NEGR1: variants seen among roughly 807,000 people sequenced by gnomAD.
The protein encoded by NEGR1 is neuronal growth regulator 1.
Under a neutral mutation model 40.9 loss-of-function variants are expected in NEGR1, and 10 were observed. The ratio of observed to expected loss-of-function variants is 0.24; its 90% CI spans 0.15 to 0.42. The LOEUF (loss-of-function observed/expected upper bound fraction) is 0.42. NEGR1 is among the 10% of genes least tolerant of loss of function. The probability of loss-of-function intolerance (pLI) is 1.00; values close to 1 mark genes in which losing one functional copy is unlikely to be tolerated. For synonymous variants in NEGR1, 185 were observed against 166.8 expected (o/e 1.11, Z -0.84); for missense variants, 352 against 438.9 (o/e 0.80, Z 1.77).
In NEGR1 at chr1:72,001,449, A is replaced by C. The variant is rs76897677; in HGVS notation, c.177-66138T>G. Among the ~76,000 whole-genome samples, 531 of 151,908 alleles carry C rather than the reference A, an allele frequency of 3.5e-3. 1 individual carries two copies. The highest frequency in any genetic ancestry group is 0.012 in the African/African-American group (508 of 41,402). On this transcript the variant is annotated intron_variant, in intron 1 of 6. Coordinates refer to ENST00000357731, the MANE Select transcript of NEGR1 (RefSeq NM_173808.3). ...ATTGAATCAGATCTGCATTTTAATA[A>C]ACTCCCCAAATTTCATATGGACATT...
intron 2 of NEGR1, among the ~76,000 whole-genome samples, chr1:71,808,910 A>G (rs1235787446): frequency 6.6e-6 from 1 of 152,122 alleles, no homozygotes; most frequent in Non-Finnish European, 1.5e-5. Flanking sequence ...TCTATCTGTA[A>G]CTTGTTTTCT....
chr1:71,934,135 C>T (rs896817013), intron 2 of NEGR1, among the ~76,000 whole-genome samples: 1 of 152,074 alleles, frequency 6.6e-6, no homozygotes, highest in African/African-American at 2.4e-5. Flanking sequence ...AGAAATAAGG[C>T]AACTTCAGTT....
intron 1 of NEGR1, among the ~76,000 whole-genome samples, chr1:72,043,995 A>C (rs1445313161): frequency 1.3e-5 from 2 of 151,896 alleles, no homozygotes; most frequent in Non-Finnish European, 1.5e-5. Flanking sequence ...GCAATATTCA[A>C]AACACTATCT....
intron 1 of NEGR1, among the ~76,000 whole-genome samples, chr1:71,936,654 A>G (rs1319808298): frequency 6.6e-6 from 1 of 152,220 alleles, no homozygotes; most frequent in Non-Finnish European, 1.5e-5. Flanking sequence ...CATGAGATAT[A>G]TGGTAAAAGG....
chr1:72,245,847 G>T (rs1252140083), intron 1 of NEGR1, among the ~76,000 whole-genome samples: 1 of 151,936 alleles, frequency 6.6e-6, no homozygotes, highest in Admixed American at 6.6e-5. Flanking sequence ...TTCAAAAATT[G>T]TTTTGCAATC....
intron 2 of NEGR1, among the ~76,000 whole-genome samples, chr1:71,835,928 G>T (rs1452344810): frequency 6.6e-6 from 1 of 152,188 alleles, no homozygotes; most frequent in East Asian, 1.9e-4. Context: ...GTATGTGTGT[G>T]TGTGCACATA....
chr1:72,015,150 T>C (rs1023219117), intron 1 of NEGR1, among the ~76,000 whole-genome samples: 2 of 152,030 alleles, frequency 1.3e-5, no homozygotes, highest in African/African-American at 4.8e-5. Flanking sequence ...TTTTTAAAAA[T>C]ATGTAATTTA....
chr1:71,651,850 A>G (rs548335885), intron 4 of NEGR1, among the ~76,000 whole-genome samples: 1 of 152,144 alleles, frequency 6.6e-6, no homozygotes, highest in Admixed American at 6.5e-5. Flanking sequence ...GAATCCTTAC[A>G]ATTTTATAAG....
At position 71,687,679 on chromosome 1, in the gene NEGR1, C is replaced by T. The variant is rs574840223; in HGVS notation, c.667+10329G>A. ...CAGCCATTCTGACAGCTAGCACCTGCGCACATTCTGGTTATTGAAATAGTT... is the reference window on the plus strand; with the variant it reads ...CAGCCATTCTGACAGCTAGCACCTGTGCACATTCTGGTTATTGAAATAGTT... On this transcript the variant is annotated intron_variant, in intron 4 of 6. Coordinates refer to ENST00000357731, the MANE Select transcript of NEGR1 (RefSeq NM_173808.3). Among the ~76,000 whole-genome samples, 175 of 152,318 alleles carry T rather than the reference C, an allele frequency of 1.1e-3. 1 individual carries two copies. The highest frequency in any genetic ancestry group is 4.0e-3 in the African/African-American group (168 of 41,566).
At chr1:71,841,144 A>T (rs1029079898) in intron 2 of NEGR1, among the ~76,000 whole-genome samples, 2 of 152,130 alleles carry the variant, frequency 1.3e-5, no homozygotes, top group African/African-American at 4.8e-5. Context: ...CTGCAGGACC[A>T]TCAGGCAGTC....
intron 1 of NEGR1, among the ~76,000 whole-genome samples, chr1:72,212,375 G>A (rs1030279835): frequency 1.3e-5 from 2 of 151,772 alleles, no homozygotes; most frequent in South Asian, 2.1e-4. Flanking sequence ...TTGGTTAAGC[G>A]TTATCCTGAA....
intron 3 of NEGR1, among the ~76,000 whole-genome samples, chr1:71,732,350 C>A (rs777471958): frequency 1.4e-4 from 21 of 152,140 alleles, no homozygotes; most frequent in Non-Finnish European, 2.2e-4. Flanking sequence ...AACAAAAAAA[C>A]CCCATACATT....
Position 71,437,127 on chromosome 1 carries a change from G to C in NEGR1, c.941-29557C>G, listed in dbSNP as rs140112255. Among the ~76,000 whole-genome samples the C allele has an allele frequency of 2.0e-5, 3 of 152,106 alleles. 1 individual carries two copies. In the East Asian group the frequency reaches 5.8e-4, roughly 29 times the overall value. ...CTCAGAAAAAAAGAATAATTTTTAA[G>C]AGTATGAATTATATTTACTTGAATA... On this transcript the variant is annotated intron_variant, in intron 6 of 6. Transcript: ENST00000357731.
At chr1:72,221,761 C>T (rs531975474) in intron 1 of NEGR1, among the ~76,000 whole-genome samples, 1 of 152,068 alleles carries the variant, frequency 6.6e-6, no homozygotes, top group East Asian at 1.9e-4. Flanking sequence ...TTTTCCATCA[C>T]GTCTATAAAT....
intron 1 of NEGR1, among the ~76,000 whole-genome samples, chr1:72,246,822 T>G (rs1654918464): frequency 6.6e-6 from 1 of 152,224 alleles, no homozygotes. Context: ...GGCTCTGCCC[T>G]TACAAAGGCT....
At chr1:72,255,747 C>T (rs1416730283) in intron 1 of NEGR1, among the ~76,000 whole-genome samples, 1 of 152,000 alleles carries the variant, frequency 6.6e-6, no homozygotes, top group East Asian at 1.9e-4. Context: ...GACGGGGTTT[C>T]ACCATGTTGG....
chr1:71,580,960 T>C (rs1280514471), intron 6 of NEGR1, among the ~76,000 whole-genome samples: 1 of 152,214 alleles, frequency 6.6e-6, no homozygotes, highest in African/African-American at 2.4e-5. Flanking sequence ...CTGCGATTTA[T>C]TTATTAAATA....
intron 1 of NEGR1, among the ~76,000 whole-genome samples, chr1:72,096,489 A>C (rs894947501): frequency 6.6e-5 from 10 of 152,008 alleles, no homozygotes; most frequent in African/African-American, 2.2e-4. Flanking sequence ...CTAATATAAA[A>C]TTTCTTATTA....
intron 1 of NEGR1, among the ~76,000 whole-genome samples, chr1:71,953,122 A>T (rs1294958457): frequency 6.6e-6 from 1 of 151,972 alleles, no homozygotes; most frequent in Non-Finnish European, 1.5e-5. Context: ...ATGATCAAGG[A>T]GTAATTTCAA....
Sources: gnomAD v4.1 joint callset for allele counts (sites outside exome capture counted in the v4.1 genomes callset) on GRCh38, gnomAD v4.1.1 for gene constraint, MANE v1.5 for transcripts, NCBI Gene and HGNC (gene_info 2026-07-23, HGNC 2026-07-21) for gene names.